Variants in SCAPER observed in about 807,000 individuals in gnomAD.
SCAPER encodes the protein S-phase cyclin A associated protein in the ER.
SCAPER carries 98 observed loss-of-function variants against 182.2 expected under a neutral mutation model. That is an observed-to-expected ratio of 0.54 (90% confidence interval 0.46 to 0.64). SCAPER has a LOEUF of 0.64. Among genes scored for constraint, SCAPER ranks in the 30% least tolerant of loss-of-function variants. The pLI is 0.00. For synonymous variants in SCAPER, 605 were observed against 564.6 expected (o/e 1.07, Z -1.01); for missense variants, 1,432 against 1,690.0 (o/e 0.85, Z 2.68).
chr15:76,825,917 G>T (rs2067972075), intron 5 of SCAPER, among the ~76,000 whole-genome samples: 1 of 152,040 alleles, frequency 6.6e-6, no homozygotes, highest in African/African-American at 2.4e-5. Context: ...GCTAATTTTT[G>T]TATTTTTAGT....
At chr15:76,761,713 T>C (rs2062799428) in intron 14 of SCAPER, among the ~76,000 whole-genome samples, 1 of 152,216 alleles carries the variant, frequency 6.6e-6, no homozygotes, top group African/African-American at 2.4e-5. Context: ...ACATGATCTA[T>C]TCTGAAGAAC....
At chr15:76,629,052 C>G (rs2052847648) in intron 21 of SCAPER, among the ~76,000 whole-genome samples, 1 of 152,210 alleles carries the variant, frequency 6.6e-6, no homozygotes, top group African/African-American at 2.4e-5. Flanking sequence ...TGCAGTTCAT[C>G]CATGATTTGG....
chr15:76,891,551 C>T (rs930728570), intron 1 of SCAPER, among the ~76,000 whole-genome samples: 26 of 152,166 alleles, frequency 1.7e-4, no homozygotes, highest in African/African-American at 6.3e-4. Flanking sequence ...CATGAGTGAA[C>T]TCCCATTAAC....
At chr15:76,852,700 G>C (rs2070878603) in intron 4 of SCAPER, among the ~76,000 whole-genome samples, 1 of 152,116 alleles carries the variant, frequency 6.6e-6, no homozygotes, top group Non-Finnish European at 1.5e-5. Context: ...AATGTTAAGA[G>C]GGAAATTCAT....
At chr15:76,485,445 A>T (rs578171884) in intron 24 of SCAPER, among the ~76,000 whole-genome samples, 1 of 152,346 alleles carries the variant, frequency 6.6e-6, no homozygotes, top group South Asian at 2.1e-4. Flanking sequence ...ATATCGTTAA[A>T]ATGGCCATAT....
At chr15:76,719,830 T>C (rs1309527725) in intron 17 of SCAPER, among the ~76,000 whole-genome samples, 1 of 152,064 alleles carries the variant, frequency 6.6e-6, no homozygotes, top group African/African-American at 2.4e-5. Flanking sequence ...TATATGTTTA[T>C]TTACGTAGAA....
At chr15:76,367,166 A>G (rs1217309778) in intron 29 of SCAPER, among the ~76,000 whole-genome samples, 1 of 152,224 alleles carries the variant, frequency 6.6e-6, no homozygotes, top group Non-Finnish European at 1.5e-5. Context: ...AGGAAACTAA[A>G]GCTCAGAGAA....
chr15:76,552,042 T>C (rs552693283), intron 23 of SCAPER, among the ~76,000 whole-genome samples: 1 of 151,836 alleles, frequency 6.6e-6, no homozygotes, highest in Admixed American at 6.6e-5. Flanking sequence ...CGCCAGCAGT[T>C]TGGGAGGCTG....
At position 76,771,799 on chromosome 15, in the gene SCAPER, T is replaced by C. The variant is rs1030991729; in HGVS notation, c.1191A>G (p.Lys397=). Residue 397 remains lysine (K), a synonymous_variant, in exon 10 of 32, where the codon AAA becomes AAG. Transcript: ENST00000563290. The part of the protein sequence containing the change: ...GTPPLQVNEE[K]FPAEKARIEN... ...CTATCCTTGCTTTCTCTGCTGGAAA[T>C]TTTTCTTCATTTACTTGTAAAGGAG... The C allele has an allele frequency of 3.0e-5, 49 of 1,613,076 alleles. No homozygotes were observed. Among genetic ancestry groups the C allele is most frequent in the Non-Finnish European group, 3.8e-5 (45 of 1,179,436 alleles).
chr15:76,384,975 A>T (rs1441097910), intron 27 of SCAPER, among the ~76,000 whole-genome samples: 1 of 152,228 alleles, frequency 6.6e-6, no homozygotes, highest in Non-Finnish European at 1.5e-5. Context: ...AGATGTGAAA[A>T]ATAAGATCTG....
Position 76,756,951 on chromosome 15 carries a change from C to A in SCAPER, c.1726-3003G>T, listed in dbSNP as rs1182518800. On this transcript the variant is annotated intron_variant, in intron 14 of 31. Transcript: ENST00000563290. ...CAGAGCCCATGTTATTTCCACTTAC[C>A]GCAATGATCAATAGTTATTCTGCTC... Among the ~76,000 whole-genome samples the A allele has an allele frequency of 2.0e-5, 3 of 152,114 alleles. No homozygotes were observed. In the East Asian group the frequency reaches 5.8e-4, roughly 29 times the overall value.
chr15:76,601,168 G>C (rs2049907377), intron 22 of SCAPER, among the ~76,000 whole-genome samples: 1 of 122,002 alleles, frequency 8.2e-6, no homozygotes, highest in Non-Finnish European at 2.0e-5. Context: ...ATCATGAATG[G>C]GTGATGGATG....
intron 29 of SCAPER, among the ~76,000 whole-genome samples, chr15:76,368,476 C>T (rs2041948781): frequency 6.6e-6 from 1 of 152,222 alleles, no homozygotes; most frequent in Non-Finnish European, 1.5e-5. Context: ...CACTGAGTTA[C>T]AAGAGAGCTG....
chr15:76,457,449 C>A (rs1341616886), intron 25 of SCAPER, among the ~76,000 whole-genome samples: 1 of 152,170 alleles, frequency 6.6e-6, no homozygotes, highest in Non-Finnish European at 1.5e-5. Context: ...GTGTTTTATT[C>A]TCTAATTCCT....
chr15:76,786,966 T>C (rs774906248), intron 8 of SCAPER, among the ~76,000 whole-genome samples: 1 of 152,094 alleles, frequency 6.6e-6, no homozygotes, highest in Non-Finnish European at 1.5e-5. Flanking sequence ...AAAATGCTGA[T>C]GAAAGAAACA....
At chr15:76,578,019 A>C (rs1184803759) in intron 22 of SCAPER, among the ~76,000 whole-genome samples, 1 of 151,794 alleles carries the variant, frequency 6.6e-6, no homozygotes, top group Non-Finnish European at 1.5e-5. Flanking sequence ...CCACAAACTG[A>C]ATGAAGAGCC....
chr15:76,637,546 T>A (rs2146325961), intron 21 of SCAPER, among the ~76,000 whole-genome samples: 3 of 150,552 alleles, frequency 2.0e-5, no homozygotes, highest in Admixed American at 2.0e-4. Context: ...CACACAAAAT[T>A]TTTTTTTTAA....
At chr15:76,537,613 C>T (rs936381150) in intron 23 of SCAPER, among the ~76,000 whole-genome samples, 1 of 152,030 alleles carries the variant, frequency 6.6e-6, no homozygotes, top group African/African-American at 2.4e-5. Context: ...ACCATAAAAA[C>T]CCTAGAAGAA....
At chr15:76,790,212 C>G (rs1410867567) in intron 8 of SCAPER, among the ~76,000 whole-genome samples, 2 of 135,738 alleles carry the variant, frequency 1.5e-5, no homozygotes. Flanking sequence ...GCCTGGGAGA[C>G]AGAGCAAGAC....
Sources: allele counts gnomAD v4.1 joint callset (sites outside exome capture counted in the v4.1 genomes callset), GRCh38; gene constraint gnomAD v4.1.1; transcripts MANE v1.5; gene names NCBI Gene and HGNC (gene_info 2026-07-23, HGNC 2026-07-21).